LAMP2: variants seen among roughly 807,000 people sequenced by gnomAD.
The protein encoded by LAMP2 is lysosome-associated membrane glycoprotein 2.
A neutral mutation model predicts 25.6 loss-of-function variants in LAMP2; 4 were observed. The observed-to-expected ratio is 0.16, with a 90% CI of 0.08 to 0.36. The LOEUF (loss-of-function observed/expected upper bound fraction) is 0.36, where lower values mean the gene tolerates loss of function less well. Ranked by LOEUF, LAMP2 falls within the 10% of genes least tolerant of loss-of-function variation. The probability of loss-of-function intolerance (pLI) is 1.00; values close to 1 mark genes in which losing one functional copy is unlikely to be tolerated. For missense variants in LAMP2, 272 were observed against 301.4 expected (o/e 0.90, Z 0.72); for synonymous variants, 108 against 112.7 (o/e 0.96, Z 0.27).
At chrX:120,464,206 T>C (rs981129068) in intron 1 of LAMP2, among the ~76,000 whole-genome samples, 3 of 111,857 alleles carry the variant, frequency 2.7e-5, no homozygotes, top group African/African-American at 6.5e-5. Context: ...TATGGGATTA[T>C]ACATTAGTAA....
In LAMP2 at chrX:120,431,209, A is replaced by C; in HGVS notation, c.*114T>G. The C allele has an allele frequency of 8.4e-7, 1 of 1,184,588 alleles. No homozygotes were observed. The highest frequency in any genetic ancestry group is 3.0e-5 in the East Asian group (1 of 33,160). ...GATCTCAAAATGCTGGGATTGATAA[A>C]AGAATTAAAGTTTCAACATATCAAT... On this transcript the variant is annotated 3_prime_UTR_variant, in exon 9 of 9. Transcript: ENST00000200639.
At chrX:120,466,790 T>C (rs1921550896) in intron 1 of LAMP2, among the ~76,000 whole-genome samples, 1 of 110,963 alleles carries the variant, frequency 9.0e-6, no homozygotes, top group Admixed American at 9.6e-5. Context: ...AAAACTCTGC[T>C]GTACACTGGT....
rs2058518264 is a variant in LAMP2 at position 120,430,417 on chromosome X, C to T, written c.*906G>A. ...CATTTCATAAGTACCACACTGATGACAACACTAAATAGATTTTAATGCTCC... is the reference window on the plus strand; with the variant it reads ...CATTTCATAAGTACCACACTGATGATAACACTAAATAGATTTTAATGCTCC... On this transcript the variant is annotated 3_prime_UTR_variant, in exon 9 of 9. Transcript: ENST00000200639. 3 of 750,009 alleles carry T rather than the reference C, an allele frequency of 4.0e-6. No individual in the cohort carries two copies. Among genetic ancestry groups the T allele is most frequent in the African/African-American group, 2.3e-5 (1 of 43,277 alleles). The allele number at this position is 750,009 out of a possible 1,213,427, so 61.8% of individuals were successfully genotyped here. A position where few individuals can be genotyped will look rare whatever the true frequency, so the allele number is the denominator to read the frequency against.
intron 8 of LAMP2, chrX:120,437,080 T>G (rs2147276064): frequency 1.1e-5 from 8 of 748,648 alleles, no homozygotes; most frequent in Non-Finnish European, 1.1e-5. Flanking sequence ...TTTTGAAAAA[T>G]TACATCTATA....
At chrX:120,442,233 A>G (rs1317649371) in intron 7 of LAMP2, among the ~76,000 whole-genome samples, 2 of 107,225 alleles carry the variant, frequency 1.9e-5, no homozygotes, top group African/African-American at 6.8e-5. Flanking sequence ...TGTCTCAAAA[A>G]AAAAAAAAAA....
chrX:120,456,586 C>G, intron 2 of LAMP2, 65 bp downstream of exon 2: 3 of 566,455 alleles, frequency 5.3e-6, no homozygotes, highest in Non-Finnish European at 8.7e-6. Flanking sequence ...ATACGTGTAT[C>G]TAAAGGATAA....
intron 1 of LAMP2, among the ~76,000 whole-genome samples, chrX:120,460,056 G>A (rs1179657695): frequency 9.0e-6 from 1 of 111,469 alleles, no homozygotes; most frequent in Non-Finnish European, 1.9e-5. Context: ...TGAGGCAGAC[G>A]GATCACTTGA....
chrX:120,464,139 C>A (rs1034332647), intron 1 of LAMP2, among the ~76,000 whole-genome samples: 2 of 111,159 alleles, frequency 1.8e-5, no homozygotes, highest in Non-Finnish European at 3.8e-5. Context: ...CATATTACCC[C>A]CTTCGAGACT....
At chrX:120,446,025 T>G (rs1470695678) in intron 6 of LAMP2, among the ~76,000 whole-genome samples, 1 of 111,240 alleles carries the variant, frequency 9.0e-6, no homozygotes, top group Admixed American at 9.6e-5. Flanking sequence ...GTGGGTTTCG[T>G]TTTTTTCTTT....
chrX:120,456,176 G>A (rs1458157699), intron 2 of LAMP2, among the ~76,000 whole-genome samples: 1 of 107,429 alleles, frequency 9.3e-6, no homozygotes, highest in African/African-American at 3.4e-5. Flanking sequence ...GGAGGTACAT[G>A]TGTGTGCCAC....
At chrX:120,443,182 T>A (rs901350574) in intron 6 of LAMP2, among the ~76,000 whole-genome samples, 1 of 111,235 alleles carries the variant, frequency 9.0e-6, no homozygotes, top group Non-Finnish European at 1.9e-5. Flanking sequence ...GATAAACACA[T>A]AAACAACCAT....
chrX:120,434,889 G>A (rs2058536578), intron 8 of LAMP2, among the ~76,000 whole-genome samples: 2 of 111,899 alleles, frequency 1.8e-5, no homozygotes, highest in Non-Finnish European at 3.8e-5. Flanking sequence ...AGCAGTTCAG[G>A]AGGTCGAGGT....
chrX:120,431,055 G>GC lies in LAMP2; in HGVS notation c.*267dup. ...AGGTTAGGATCAAAATTTGGCCAGG[G>GC]CTTCTTAAGATAGACCTTAAAACAT... On this transcript the variant is annotated 3_prime_UTR_variant, in exon 9 of 9. Transcript: ENST00000200639. The GC allele has an allele frequency of 2.2e-6, 2 of 928,098 alleles. No homozygotes were observed. Among genetic ancestry groups the GC allele is most frequent in the Non-Finnish European group, 2.7e-6 (2 of 746,253 alleles). 76.5% of individuals were successfully genotyped at this position (928,098 alleles called of 1,213,427 possible). A position where few individuals can be genotyped will look rare whatever the true frequency, so the allele number is the denominator to read the frequency against.
At position 120,455,374 on chromosome X, in the gene LAMP2, G is replaced by A. The variant is rs1200950486; in HGVS notation, c.380C>T (p.Pro127Leu). ...AAGGTTACCTTTATCTTCAGCATCAGGAAATGTTGTGTTATCACCAGTGTT... is the reference window on the plus strand; with the variant it reads ...AAGGTTACCTTTATCTTCAGCATCAAGAAATGTTGTGTTATCACCAGTGTT... ...SYNTGDNTTFPDAEDKGILTV... is the reference protein window; with the variant it reads ...SYNTGDNTTFLDAEDKGILTV... Residue 127 changes from proline to leucine, a missense_variant, in exon 3 of 9, where the codon CCT becomes CTT. Coordinates refer to ENST00000200639, the MANE Select transcript of LAMP2 (RefSeq NM_002294.3). The A allele has an allele frequency of 2.5e-6, 3 of 1,198,906 alleles. No individual in the cohort carries two copies. Among genetic ancestry groups the A allele is most frequent in the East Asian group, 3.0e-5 (1 of 33,735 alleles).
At chrX:120,445,910 C>CA (rs1013669576) in intron 6 of LAMP2, among the ~76,000 whole-genome samples, 1 of 112,294 alleles carries the variant, frequency 8.9e-6, no homozygotes, top group Non-Finnish European at 1.9e-5. Context: ...ATATAGCCTC[C>CA]AAATGGCTTC....
rs2058514993 is a variant in LAMP2 at position 120,429,701 on chromosome X, CT to C, written c.*1621del. The C allele has an allele frequency of 1.3e-6, 1 of 751,325 alleles. No homozygotes were observed. The highest frequency in any genetic ancestry group is 8.9e-5 in the Admixed American group (1 of 11,219). 61.9% of individuals were successfully genotyped at this position (751,325 alleles called of 1,213,427 possible). ...TCTCATAATTTCAAGTGTAAACCAGCTGTTGTTTTACTGTTGAGTGACTAGA... is the reference window on the plus strand; with the variant it reads ...TCTCATAATTTCAAGTGTAAACCAGCGTTGTTTTACTGTTGAGTGACTAGA... On this transcript the variant is annotated 3_prime_UTR_variant, in exon 9 of 9. Transcript: ENST00000200639.
At position 120,449,033 on chromosome X, in the gene LAMP2, C is replaced by T; in HGVS notation, c.493G>A (p.Val165Ile). Residue 165 changes from valine (V) to isoleucine (I), a missense_variant, in exon 4 of 9, where the codon GTC becomes ATC. Transcript: ENST00000200639. ...ACAAGAACATCCCAGTAGTGTTGGA[C>T]AACATCATTCTTTTCCAAAGTTGAT... is the stretch of plus-strand genomic sequence containing the variant. ...SLSTLEKNDV[V>I]QHYWDVLVQA... 1 of 1,207,803 alleles carries T rather than the reference C, an allele frequency of 8.3e-7. No individual in the cohort carries two copies. Among genetic ancestry groups the T allele is most frequent in the Non-Finnish European group, 1.1e-6 (1 of 891,983 alleles).
At chrX:120,468,628 C>G (rs1311922548) in intron 1 of LAMP2, among the ~76,000 whole-genome samples, 2 of 110,778 alleles carry the variant, frequency 1.8e-5, no homozygotes, top group African/African-American at 6.6e-5. Flanking sequence ...CACCCACACA[C>G]TTCTCCCAAG....
intron 7 of LAMP2, among the ~76,000 whole-genome samples, chrX:120,442,201 G>T (rs1444453862): frequency 1.0e-5 from 1 of 99,156 alleles, no homozygotes; most frequent in Non-Finnish European, 2.0e-5. Context: ...CTGCAATCTG[G>T]CCTGGGCATA....
Sources: allele counts gnomAD v4.1 joint callset (sites outside exome capture counted in the v4.1 genomes callset), GRCh38; gene constraint gnomAD v4.1.1; transcripts MANE v1.5; gene names NCBI Gene and HGNC (gene_info 2026-07-23, HGNC 2026-07-21).